The following PDE6B variants were observed in gnomAD, a reference collection of about 807,000 sequenced individuals.
PDE6B encodes phosphodiesterase 6B, also known as rod cGMP-specific 3',5'-cyclic phosphodiesterase subunit beta.
In PDE6B, 106 loss-of-function variants were observed where a neutral mutation model predicts 109.0. The observed-to-expected ratio is 0.97, with a 90% CI of 0.83 to 1.14. The LOEUF is 1.14. Among genes scored for constraint, PDE6B ranks in the 50% most tolerant of loss-of-function variants. The pLI, the probability that PDE6B is intolerant of heterozygous loss-of-function variation, is 0.00. For missense variants in PDE6B, 1,193 were observed against 1,155.6 expected (o/e 1.03, Z -0.47); for synonymous variants, 490 against 471.3 (o/e 1.04, Z -0.51).
chr4:657,832 T>C (rs1479295987), intron 10 of PDE6B, among the ~76,000 whole-genome samples: 1 of 118,848 alleles, frequency 8.4e-6, no homozygotes, highest in Non-Finnish European at 1.7e-5. Flanking sequence ...CGGGGGCAGG[T>C]CGTCCAGGGG....
rs747403359 is a variant in PDE6B, at chr4:664,923, G to A, written c.2172G>A (p.Lys724=). Reference sequence around the variant, plus strand: ...CCTGCGACCTGTCTGCCATCACCAAGCCCTGGGAAGTCCAGAGCAAGGTTA... The same window carrying A: ...CCTGCGACCTGTCTGCCATCACCAAACCCTGGGAAGTCCAGAGCAAGGTTA... ...MTACDLSAIT[K]PWEVQSKVAL... is the part of the protein sequence containing the mutation. The change falls in exon 18 of 22, where the codon AAG becomes AAA. Residue 724 remains lysine (K), a synonymous_variant. Coordinates refer to ENST00000496514, the MANE Select transcript of PDE6B (RefSeq NM_000283.4). 2 of 1,613,248 alleles carry A rather than the reference G, an allele frequency of 1.2e-6. No homozygotes were observed. The highest frequency in any genetic ancestry group is 8.5e-7 in the Non-Finnish European group (1 of 1,179,892).
chr4:657,486 C>T lies in PDE6B; in HGVS notation c.1393C>T (p.Leu465Phe). 1.9e-6 allele frequency: 3 copies of T among 1,613,068 alleles called. No homozygotes were observed. Among genetic ancestry groups the T allele is most frequent in the Non-Finnish European group, 2.5e-6 (3 of 1,179,720 alleles). Reference protein sequence around the residue: ...HVKCDRDEIQLILPTRARLGK... With the variant: ...HVKCDRDEIQFILPTRARLGK... ...GAAGTGCGACAGGGACGAGATCCAGCTCATCCTGGTGCGGCGGGGCAGGAC... is the reference window on the plus strand; with the variant it reads ...GAAGTGCGACAGGGACGAGATCCAGTTCATCCTGGTGCGGCGGGGCAGGAC... The change falls in exon 10 of 22, where the codon CTC (leucine) becomes TTC (phenylalanine). Residue 465 changes from leucine (L) to phenylalanine (F), a missense_variant. Physicochemically the swap from Leu to Phe is conservative, Grantham distance 22. Coordinates refer to ENST00000496514, the MANE Select transcript of PDE6B (RefSeq NM_000283.4).
chr4:664,260 C>G lies in PDE6B; in HGVS notation c.2129+39C>G, dbSNP rs375473357. 2.7e-6 allele frequency: 3 copies of G among 1,122,852 alleles called. No individual in the cohort carries two copies. The African/African-American group carries it at 4.6e-5, about 17-fold the overall frequency. The allele number at this position is 1,122,852 out of a possible 1,614,324, so 69.6% of individuals were successfully genotyped here. ...GAGGGGGCACGAGGGGTCCTTCCCT[C>G]GCAGGGACCGGGCCCACTCACCAGC... On this transcript the variant is annotated intron_variant, in intron 17 of 21. Coordinates refer to ENST00000496514, the MANE Select transcript of PDE6B (RefSeq NM_000283.4).
At chr4:638,649 A>C (rs1212546848) in intron 3 of PDE6B, among the ~76,000 whole-genome samples, 1 of 152,156 alleles carries the variant, frequency 6.6e-6, no homozygotes. Context: ...TTTTCAACAC[A>C]AGTCCTTTAT....
rs1201231261 is a variant in PDE6B, at chr4:662,173, C to T, written c.1654C>T (p.Arg552Trp). 6.3e-6 allele frequency: 10 copies of T among 1,578,872 alleles called. No homozygotes were observed. Among genetic ancestry groups the T allele is most frequent in the South Asian group, 3.5e-5 (3 of 86,622 alleles). The change falls in exon 13 of 22, where the codon CGG becomes TGG. Residue 552 changes from arginine to tryptophan, a missense_variant. Transcript: ENST00000496514. This position sits in a 1 kb window ranked among gnomAD's most constrained non-coding sequence, Gnocchi z 4.3. ...CCTGTTCTCCATCAGCAAAGGGTACCGGAGAATCACCTACCACAACTGGCG... is the reference window on the plus strand; with the variant it reads ...CCTGTTCTCCATCAGCAAAGGGTACTGGAGAATCACCTACCACAACTGGCG... ...RFLFSISKGY[R>W]RITYHNWRHG...
intron 1 of PDE6B, among the ~76,000 whole-genome samples, chr4:634,239 G>C (rs927342254): frequency 1.3e-5 from 2 of 152,194 alleles, no homozygotes; most frequent in Non-Finnish European, 2.9e-5. Context: ...ACCAATGGCT[G>C]TCTCTCAGGG....
Position 665,155 on chromosome 4 carries a change from TG to T in PDE6B, c.2194-96del. The T allele has an allele frequency of 1.0e-6, 1 of 956,912 alleles. No homozygotes were observed. The allele number at this position is 956,912 out of a possible 1,614,324, so 59.3% of individuals were successfully genotyped here. On this transcript the variant is annotated intron_variant, in intron 18 of 21. Coordinates refer to ENST00000496514, the MANE Select transcript of PDE6B (RefSeq NM_000283.4). This position sits in a 1 kb window ranked among gnomAD's most constrained non-coding sequence, Gnocchi z 4.0. ...CTGTGTGGTGGGGACCCCGGGGGTC[TG>T]GGGCGGAGAAGACCGAGGCTCGGAG...
At position 664,033 on chromosome 4, in the gene PDE6B, C is replaced by G; in HGVS notation, c.2022-81C>G. On this transcript the variant is annotated intron_variant, in intron 16 of 21. Coordinates refer to ENST00000496514, the MANE Select transcript of PDE6B (RefSeq NM_000283.4). ...CCCGGATGGGGCCTCGCTCGGGCTC[C>G]GCGCCTCCCTGCAGACGGGCGCTTG... The G allele has an allele frequency of 2.5e-6, 3 of 1,192,934 alleles. No homozygotes were observed. In the Admixed American group the frequency reaches 5.1e-5, roughly 20 times the overall value. The allele number at this position is 1,192,934 out of a possible 1,614,324, so 73.9% of individuals were successfully genotyped here. A position where few individuals can be genotyped will look rare whatever the true frequency, so the allele number is the denominator to read the frequency against.
At position 638,192 on chromosome 4, in the gene PDE6B, T is replaced by C. The variant is rs75225795; in HGVS notation, c.711+2223T>C. On this transcript the variant is annotated intron_variant, in intron 3 of 21. Coordinates refer to ENST00000496514, the MANE Select transcript of PDE6B (RefSeq NM_000283.4). Reference sequence around the variant, plus strand: ...TAATTTACAATCCCCTAATGACAGATGATGTCGCACGTCTATTCATTTACA... The same window carrying C: ...TAATTTACAATCCCCTAATGACAGACGATGTCGCACGTCTATTCATTTACA... Among the ~76,000 whole-genome samples the C allele has an allele frequency of 8.4e-3, 1,273 of 152,344 alleles. 8 individuals carry two copies. Among genetic ancestry groups the C allele is most frequent in the Non-Finnish European group, 0.014 (956 of 68,036 alleles).
At chr4:628,776 G>A (rs773170683) in intron 1 of PDE6B, among the ~76,000 whole-genome samples, 3 of 152,218 alleles carry the variant, frequency 2.0e-5, no homozygotes, top group Admixed American at 6.5e-5. Context: ...GAGCCCAGGC[G>A]GTGCCAGGCC....
In PDE6B at chr4:663,799, GC is replaced by G; in HGVS notation, c.1951del (p.Arg651GlyfsTer6). On this transcript the variant is annotated frameshift_variant, in exon 16 of 22. Transcript: ENST00000496514. LOFTEE classifies it high-confidence loss of function. This position sits in a 1 kb window ranked among gnomAD's most constrained non-coding sequence, Gnocchi z 4.0. Reference sequence around the variant, plus strand: ...TGAACATCTACCAGAACCTGAACCGGCGGCAGCACGAGCACGTGATCCACCT... The same window carrying G: ...TGAACATCTACCAGAACCTGAACCGGGGCAGCACGAGCACGTGATCCACCT... ...TLNIYQNLNR[R>X]QHEHVIHLMD... The G allele has an allele frequency of 6.2e-7, 1 of 1,612,568 alleles. No homozygotes were observed.
At chr4:638,347 G>A (rs1197569441) in intron 3 of PDE6B, among the ~76,000 whole-genome samples, 1 of 152,134 alleles carries the variant, frequency 6.6e-6, no homozygotes, top group Non-Finnish European at 1.5e-5. Flanking sequence ...ATTGGAGACA[G>A]GGTCTTACTC....
At chr4:653,586 A>C in intron 3 of PDE6B, 1 of 575,544 alleles carries the variant, frequency 1.7e-6, no homozygotes, top group Non-Finnish European at 3.1e-6. Context: ...GACAGATTCC[A>C]CTTTCCACTC....
At chr4:658,504 G>A (rs1278202254) in intron 10 of PDE6B, among the ~76,000 whole-genome samples, 1 of 151,998 alleles carries the variant, frequency 6.6e-6, no homozygotes, top group African/African-American at 2.4e-5. Context: ...AGGGGTCACG[G>A]CTCCCTCTGT....
At chr4:656,610 C>T (rs999183033) in intron 8 of PDE6B, among the ~76,000 whole-genome samples, 1 of 151,612 alleles carries the variant, frequency 6.6e-6, no homozygotes, top group African/African-American at 2.4e-5. Context: ...CCGTGACCGC[C>T]GCCCCACACA....
In PDE6B at chr4:637,798, C is replaced by T. The variant is rs563044818; in HGVS notation, c.711+1829C>T. Among the ~76,000 whole-genome samples, 63 of 152,318 alleles carry T rather than the reference C, an allele frequency of 4.1e-4. 1 individual carries two copies. The South Asian group carries it at 5.0e-3, about 12-fold the overall frequency. On this transcript the variant is annotated intron_variant, in intron 3 of 21. Transcript: ENST00000496514. The stretch of plus-strand genomic sequence containing the variant: ...CACGTGACCATCGCGCTCGAGCTGA[C>T]GTCTCCAACCCTGGTCCACGACAGC...
intron 3 of PDE6B, among the ~76,000 whole-genome samples, chr4:642,115 A>C (rs927852530): frequency 2.0e-5 from 3 of 152,196 alleles, no homozygotes; most frequent in Non-Finnish European, 4.4e-5. Flanking sequence ...TGGTGAGAGG[A>C]GGGAGATATC....
intron 3 of PDE6B, among the ~76,000 whole-genome samples, chr4:649,184 T>C (rs1021259558): frequency 1.3e-5 from 2 of 152,202 alleles, no homozygotes; most frequent in Admixed American, 1.3e-4. Context: ...ATCCTGGGTG[T>C]CTGTCGCCTT....
At chr4:631,180 G>A (rs1295246158) in intron 1 of PDE6B, among the ~76,000 whole-genome samples, 1 of 152,230 alleles carries the variant, frequency 6.6e-6, no homozygotes, top group Non-Finnish European at 1.5e-5. Flanking sequence ...TTGGGTGGAG[G>A]GTAGGCCACA....
Sources: gnomAD v4.1 joint callset for allele counts (sites outside exome capture counted in the v4.1 genomes callset) on GRCh38, gnomAD v4.1.1 for gene constraint, Gnocchi (gnomAD v3.1) non-coding constraint, MANE v1.5 for transcripts, NCBI Gene and HGNC (gene_info 2026-07-23, HGNC 2026-07-21) for gene names.